The following GPM6B variants were observed in gnomAD, a reference collection of about 807,000 sequenced individuals.
GPM6B encodes the protein glycoprotein M6B, also known as neuronal membrane glycoprotein M6-b.
GPM6B carries 4 observed loss-of-function variants against 27.2 expected under a neutral mutation model. The observed-to-expected ratio is 0.15, with a 90% CI of 0.07 to 0.34. GPM6B has a LOEUF of 0.34. GPM6B is among the 10% of genes least tolerant of loss of function. The pLI, the probability that GPM6B is intolerant of heterozygous loss-of-function variation, is 1.00. For synonymous variants in GPM6B, 124 were observed against 103.1 expected (o/e 1.20, Z -1.23); for missense variants, 183 against 261.9 (o/e 0.70, Z 2.08).
chrX:13,861,522 A>G lies in GPM6B; in HGVS notation c.-197-75714T>C, dbSNP rs1247586700. On this transcript the variant is annotated intron_variant, in intron 1 of 6. Transcript: ENST00000398361. ...TTTCTATGTTCAAAATAATTCAGAT[A>G]AAAATTCAACTGTAGATCATTTCCT... Among the ~76,000 whole-genome samples the G allele has an allele frequency of 2.7e-5, 3 of 112,104 alleles. No individual in the cohort carries two copies. The East Asian group carries it at 8.3e-4, about 31-fold the overall frequency.
chrX:13,879,423 A>G (rs749840471), intron 1 of GPM6B, among the ~76,000 whole-genome samples: 9 of 112,186 alleles, frequency 8.0e-5, no homozygotes, highest in Admixed American at 2.8e-4. Flanking sequence ...GGAACTTTCT[A>G]TCAGGACAGC....
At chrX:13,819,537 T>C (rs977178808), upstream of GPM6B, among the ~76,000 whole-genome samples, 3 of 112,180 alleles carry the variant, frequency 2.7e-5, no homozygotes, top group African/African-American at 9.7e-5. Context: ...ACAAAACAGA[T>C]TAGAATAAAC....
Position 13,785,659 on chromosome X carries a change from A to C in GPM6B, c.331T>G (p.Ser111Ala). 8.3e-7 allele frequency: 1 copy of C among 1,211,783 alleles called. No individual in the cohort carries two copies. Among genetic ancestry groups the C allele is most frequent in the Non-Finnish European group, 1.1e-6 (1 of 895,419 alleles). The stretch of plus-strand genomic sequence containing the variant: ...AAGGCATGGTCACTGGCGTTGGTGG[A>C]GAAGTGTTGCTCAAGAATCGCCACG... ...GTVAILEQHF[S>A]TNASDHALLS... Residue 111 changes from serine to alanine, a missense_variant, in exon 3 of 8, where the codon TCC (serine) becomes GCC (alanine). By Grantham distance (99) the Ser-to-Ala change is moderately conservative. Transcript: ENST00000316715.
intron 1 of GPM6B, among the ~76,000 whole-genome samples, chrX:13,834,910 C>G (rs1439011856): frequency 8.9e-6 from 1 of 112,482 alleles, no homozygotes; most frequent in Non-Finnish European, 1.9e-5. Flanking sequence ...GGATATTTAT[C>G]AAGTACCAGC....
chrX:13,773,953 CTTTTTTTTT>C (rs772367299), intron 7 of GPM6B: 104 of 436,281 alleles, frequency 2.4e-4, no homozygotes, highest in African/African-American at 2.2e-3. Flanking sequence ...CATATAAATC[CTTTTTTTTT>C]TTTTTTTTTT....
chrX:13,789,664 AC>A (rs1569199255), intron 2 of GPM6B, among the ~76,000 whole-genome samples: 2 of 110,161 alleles, frequency 1.8e-5, no homozygotes, highest in African/African-American at 6.6e-5. Flanking sequence ...AGTCCCAGCT[AC>A]TCGGGAGGCT....
intron 2 of GPM6B, among the ~76,000 whole-genome samples, chrX:13,793,197 A>T (rs917598846): frequency 2.7e-5 from 3 of 110,641 alleles, no homozygotes; most frequent in African/African-American, 9.9e-5. Context: ...GCTCTCCACA[A>T]CCCCTTATCA....
chrX:13,913,989 A>T (rs2050404660), intron 1 of GPM6B, among the ~76,000 whole-genome samples: 1 of 110,883 alleles, frequency 9.0e-6, no homozygotes, highest in South Asian at 3.9e-4. Flanking sequence ...TGGGCTCAAG[A>T]GATCTGCCCA....
At position 13,816,985 on chromosome X, in the gene GPM6B, C is replaced by T. The variant is rs2049248827; in HGVS notation, c.-81G>A. 8.7e-7 allele frequency: 1 copy of T among 1,144,816 alleles called. No homozygotes were observed. Among genetic ancestry groups the T allele is most frequent in the African/African-American group, 1.9e-5 (1 of 54,004 alleles). The allele number at this position is 1,144,816 out of a possible 1,213,427, so 94.3% of individuals were successfully genotyped here. On this transcript the variant is annotated 5_prime_UTR_variant, in exon 1 of 8. Coordinates refer to ENST00000316715, the MANE Select transcript of GPM6B (RefSeq NM_001001995.3). ...CTCCTCTTCCTTTTCTTTTGGACTC[C>T]CCTCCGTCTCTTATTTACACCCGTC...
rs964174563 is a variant in GPM6B, at chrX:13,789,633, G to A, written c.182-3825C>T. Among the ~76,000 whole-genome samples the A allele has an allele frequency of 5.4e-5, 6 of 110,918 alleles. No homozygotes were observed. In the Admixed American group the frequency reaches 5.7e-4, roughly 11 times the overall value. On this transcript the variant is annotated intron_variant, in intron 2 of 7. Transcript: ENST00000316715. ...TACTAAAAATACAAAAAATTAGCTG[G>A]GCGTGGTGGTGGGCGCCTGTAGTCC... is the stretch of plus-strand genomic sequence containing the variant.
chrX:13,833,550 TAAAAA>T (rs755832950), intron 1 of GPM6B, among the ~76,000 whole-genome samples: 2 of 71,564 alleles, frequency 2.8e-5, no homozygotes, highest in African/African-American at 6.0e-5. Context: ...CTCTATCTCT[TAAAAA>T]AAAAAAAAAA....
rs771754009 is a variant in GPM6B at position 13,851,832 on chromosome X, T to C, written c.-197-66024A>G. ...CACACTTTAGAGAAGAGATCATTCA[T>C]TGCTTCTTAAAATTTCTCTTGGCAG... On this transcript the variant is annotated intron_variant, in intron 1 of 6. Transcript: ENST00000398361. Among the ~76,000 whole-genome samples, 14 of 111,400 alleles carry C rather than the reference T, an allele frequency of 1.3e-4. No homozygotes were observed. The South Asian group carries it at 1.9e-3, about 15-fold the overall frequency.
At position 13,772,686 on chromosome X, in the gene GPM6B, C is replaced by T; in HGVS notation, c.*195G>A. The T allele has an allele frequency of 2.7e-6, 1 of 363,964 alleles. No homozygotes were observed. Among genetic ancestry groups the T allele is most frequent in the East Asian group, 4.1e-5 (1 of 24,498 alleles). 30.0% of individuals were successfully genotyped at this position (363,964 alleles called of 1,213,427 possible). Reference sequence around the variant, plus strand: ...TTTTAAAATGGCTAACATGAAACCTCCAATATTTGTTCTAAAGAAAAAGAT... The same window carrying T: ...TTTTAAAATGGCTAACATGAAACCTTCAATATTTGTTCTAAAGAAAAAGAT... On this transcript the variant is annotated 3_prime_UTR_variant, in exon 8 of 8. Transcript: ENST00000316715.
intron 2 of GPM6B, 140 bp downstream of exon 2, chrX:13,807,510 C>T (rs1270955077): frequency 9.4e-6 from 4 of 427,409 alleles, no homozygotes; most frequent in Non-Finnish European, 1.6e-5. Flanking sequence ...GTTTATAGGG[C>T]GAATTCCACC....
intron 2 of GPM6B, among the ~76,000 whole-genome samples, chrX:13,792,429 G>A (rs1286869291): frequency 9.0e-6 from 1 of 111,496 alleles, no homozygotes; most frequent in Non-Finnish European, 1.9e-5. Context: ...TGCCACCCAG[G>A]GACATTTAGC....
chrX:13,804,367 A>G (rs748328041), intron 2 of GPM6B, among the ~76,000 whole-genome samples: 5 of 89,430 alleles, frequency 5.6e-5, no homozygotes, highest in Non-Finnish European at 1.0e-4. Context: ...GCTTGCCTGC[A>G]TCTCAGACCA....
rs1198353301 is a variant in GPM6B, at chrX:13,776,315, C to A, written c.772-12G>T. Reference sequence around the variant, plus strand: ...TAGGACATGTAGAACTACAAAAGAACAGGGCATCAACATAAGCATTTGATG... The same window carrying A: ...TAGGACATGTAGAACTACAAAAGAAAAGGGCATCAACATAAGCATTTGATG... On this transcript the variant is annotated splice_polypyrimidine_tract_variant and intron_variant, in intron 6 of 7. Transcript: ENST00000316715. 1.7e-6 allele frequency: 2 copies of A among 1,188,524 alleles called. No homozygotes were observed. The highest frequency in any genetic ancestry group is 4.4e-5 in the Admixed American group (2 of 45,562).
chrX:13,891,427 C>A (rs763351384), intron 1 of GPM6B, among the ~76,000 whole-genome samples: 4 of 105,231 alleles, frequency 3.8e-5, no homozygotes, highest in African/African-American at 1.2e-4. Flanking sequence ...CAAAAAAAAA[C>A]CAAACAACAA....
chrX:13,917,812 G>A (rs1318153669), intron 1 of GPM6B, among the ~76,000 whole-genome samples: 1 of 112,118 alleles, frequency 8.9e-6, no homozygotes, highest in Non-Finnish European at 1.9e-5. Context: ...AATCAGTTTC[G>A]TTGCCATTCA....
Sources: gnomAD v4.1 joint callset for allele counts (sites outside exome capture counted in the v4.1 genomes callset) on GRCh38, gnomAD v4.1.1 for gene constraint, MANE v1.5 for transcripts, NCBI Gene and HGNC (gene_info 2026-07-23, HGNC 2026-07-21) for gene names.